RTRAF: variants seen among roughly 807,000 people sequenced by gnomAD.
The protein encoded by RTRAF is tRNA-splicing ligase complex subunit RTRAF.
In RTRAF, 14 loss-of-function variants were observed where a neutral mutation model predicts 34.4. That is an observed-to-expected ratio of 0.41 (90% CI 0.27 to 0.64). The LOEUF (loss-of-function observed/expected upper bound fraction) is 0.64, where lower values mean the gene tolerates loss of function less well. Among genes scored for constraint, RTRAF ranks in the 30% least tolerant of loss-of-function variants. The probability of loss-of-function intolerance (pLI) is 0.34; values close to 1 mark genes in which losing one functional copy is unlikely to be tolerated. For synonymous variants in RTRAF, 96 were observed against 95.3 expected, an observed-to-expected ratio of 1.01 and a Z score of -0.04; for missense variants, 291 against 288.4, an observed-to-expected ratio of 1.01 and a Z score of -0.06.
intron 6 of RTRAF, 97 bp from the exon 7 acceptor site, chr14:52,004,097 A>AAGACACCAGAAT (rs1890660704): frequency 4.8e-6 from 5 of 1,045,640 alleles, no homozygotes; most frequent in Non-Finnish European, 7.2e-6. Flanking sequence ...TAAAAGAGTT[A>AAGACACCAGAAT]AGACACCAGA....
At chr14:51,989,734 C>G in intron 1 of RTRAF, 34 bp downstream of exon 1, 2 of 1,573,404 alleles carry the variant, frequency 1.3e-6, no homozygotes, top group Non-Finnish European at 1.7e-6. Context: ...CCGCGTGTCC[C>G]TGACCTGGGC....
Position 52,006,375 on chromosome 14 carries a change from A to AAAAC in RTRAF, c.*1861_*1864dup. On this transcript the variant is annotated 3_prime_UTR_variant, in exon 8 of 8. Transcript: ENST00000261700. ...TGATTTCAAAAACATGAAAGGATGA[A>AAAAC]AAACATCCTTGAAGGATCTTATCTG... The AAAAC allele has an allele frequency of 1.4e-6, 1 of 740,334 alleles. No individual in the cohort carries two copies. The highest frequency in any genetic ancestry group is 2.6e-5 in the East Asian group (1 of 38,396). 45.9% of individuals were successfully genotyped at this position (740,334 alleles called of 1,614,324 possible).
Position 52,008,489 on chromosome 14 carries a change from ATCT to A in RTRAF, c.*3975_*3977del, listed in dbSNP as rs1890881050. 6.6e-6 allele frequency: 1 copy of A among 152,624 alleles called. No homozygotes were observed. Among genetic ancestry groups the A allele is most frequent in the African/African-American group, 2.4e-5 (1 of 41,458 alleles). The allele number at this position is 152,624 out of a possible 1,614,324, so 9.5% of individuals were successfully genotyped here. On this transcript the variant is annotated 3_prime_UTR_variant, in exon 8 of 8. Coordinates refer to ENST00000261700, the MANE Select transcript of RTRAF (RefSeq NM_016039.3). Reference sequence around the variant, plus strand: ...CACAGAAACTGTGAGACTAAATGTTATCTTACACTGCTGAGGGTTTGGGCAATT... The same window carrying A: ...CACAGAAACTGTGAGACTAAATGTTATACACTGCTGAGGGTTTGGGCAATT...
chr14:52,007,556 T>A lies in RTRAF; in HGVS notation c.*3040T>A. 2.2e-6 allele frequency: 1 copy of A among 449,294 alleles called. No homozygotes were observed. The highest frequency in any genetic ancestry group is 3.9e-6 in the Non-Finnish European group (1 of 253,752). 27.8% of individuals were successfully genotyped at this position (449,294 alleles called of 1,614,324 possible). On this transcript the variant is annotated 3_prime_UTR_variant, in exon 8 of 8. Transcript: ENST00000261700. ...AACAATGGCTAATTCTTTTAACTGTTAAAAATATGCCAGGCACTCATGGTC... is the reference window on the plus strand; with the variant it reads ...AACAATGGCTAATTCTTTTAACTGTAAAAAATATGCCAGGCACTCATGGTC...
rs1294978404 is a variant in RTRAF, at chr14:52,004,672, T to TTTAATAAAGTTTA, written c.*157_*169dup. The TTTAATAAAGTTTA allele has an allele frequency of 4.7e-6, 3 of 635,080 alleles. No individual in the cohort carries two copies. Among genetic ancestry groups the TTTAATAAAGTTTA allele is most frequent in the African/African-American group, 3.7e-5 (2 of 53,404 alleles). 39.3% of individuals were successfully genotyped at this position (635,080 alleles called of 1,614,324 possible). On this transcript the variant is annotated 3_prime_UTR_variant, in exon 8 of 8. Transcript: ENST00000261700. Reference sequence around the variant, plus strand: ...ACCACCATTGCTTATTGCTTTTTTCTTTAATAAAGTTTAGGAAAGTAGAAT... The same window carrying TTTAATAAAGTTTA: ...ACCACCATTGCTTATTGCTTTTTTCTTTAATAAAGTTTATTAATAAAGTTTAGGAAAGTAGAAT...
chr14:52,002,196 C>T (rs916337712), intron 6 of RTRAF, among the ~76,000 whole-genome samples: 1 of 152,198 alleles, frequency 6.6e-6, no homozygotes, highest in Non-Finnish European at 1.5e-5. Context: ...TATTTTGACT[C>T]ATGCTGGAGA....
In RTRAF at chr14:52,006,755, T is replaced by C; in HGVS notation, c.*2239T>C. 2 of 1,339,756 alleles carry C rather than the reference T, an allele frequency of 1.5e-6. No homozygotes were observed. Among genetic ancestry groups the C allele is most frequent in the South Asian group, 1.3e-5 (1 of 76,250 alleles). 83.0% of individuals were successfully genotyped at this position (1,339,756 alleles called of 1,614,324 possible). ...GTGACACAGTGATAGAATGGGGAAA[T>C]AGGATATTTTACTTCCATTACAGTC... On this transcript the variant is annotated 3_prime_UTR_variant, in exon 8 of 8. Transcript: ENST00000261700.
At position 52,006,378 on chromosome 14, in the gene RTRAF, A is replaced by AC; in HGVS notation, c.*1863dup. On this transcript the variant is annotated 3_prime_UTR_variant, in exon 8 of 8. Coordinates refer to ENST00000261700, the MANE Select transcript of RTRAF (RefSeq NM_016039.3). ...TTTCAAAAACATGAAAGGATGAAAA[A>AC]CATCCTTGAAGGATCTTATCTGCCA... 1 of 741,032 alleles carries AC rather than the reference A, an allele frequency of 1.3e-6. No homozygotes were observed. Among genetic ancestry groups the AC allele is most frequent in the Non-Finnish European group, 2.2e-6 (1 of 451,374 alleles). The allele number at this position is 741,032 out of a possible 1,614,324, so 45.9% of individuals were successfully genotyped here. A position where few individuals can be genotyped will look rare whatever the true frequency, so the allele number is the denominator to read the frequency against.
At chr14:52,001,960 C>G in intron 6 of RTRAF, 94 bp downstream of exon 6, 1 of 1,063,012 alleles carries the variant, frequency 9.4e-7, no homozygotes, top group Non-Finnish European at 1.4e-6. Flanking sequence ...TTAAGATATC[C>G]ATTCTACGTT....
In RTRAF at chr14:52,004,461, A is replaced by T; in HGVS notation, c.680A>T (p.Gln227Leu). 6.2e-7 allele frequency: 1 copy of T among 1,614,028 alleles called. No homozygotes were observed. Among genetic ancestry groups the T allele is most frequent in the African/African-American group, 1.3e-5 (1 of 75,054 alleles). The change falls in exon 8 of 8, where the codon CAG becomes CTG. Residue 227 changes from glutamine (Q) to leucine (L), a missense_variant. Gln to Leu is a moderately radical substitution (Grantham distance 113). Coordinates refer to ENST00000261700, the MANE Select transcript of RTRAF (RefSeq NM_016039.3). ...TKINEAIVAV[Q>L]AIIADPKTDH... The stretch of plus-strand genomic sequence containing the variant: ...ATCAACGAAGCCATAGTAGCTGTTC[A>T]GGCAATTATTGCTGATCCAAAGACA...
chr14:51,994,348 G>T (rs934994908), intron 3 of RTRAF, among the ~76,000 whole-genome samples: 7 of 152,126 alleles, frequency 4.6e-5, no homozygotes, highest in Admixed American at 4.6e-4. Context: ...ATTTTGAAAG[G>T]CCTGCCAACA....
Position 52,010,318 on chromosome 14 carries a change from T to C in RTRAF, c.*5802T>C, listed in dbSNP as rs912058610. On this transcript the variant is annotated 3_prime_UTR_variant, in exon 8 of 8. Transcript: ENST00000261700. ...CTCAAGATATAAAAATTCTCCCTGATTGTAACAAGTACTGAGACAGTGAAC... is the reference window on the plus strand; with the variant it reads ...CTCAAGATATAAAAATTCTCCCTGACTGTAACAAGTACTGAGACAGTGAAC... 6.6e-6 allele frequency: 1 copy of C among 152,262 alleles called. No homozygotes were observed. The highest frequency in any genetic ancestry group is 1.5e-5 in the Non-Finnish European group (1 of 68,042). The allele number at this position is 152,262 out of a possible 1,614,324, so 9.4% of individuals were successfully genotyped here. A position where few individuals can be genotyped will look rare whatever the true frequency, so the allele number is the denominator to read the frequency against.
At chr14:51,991,987 G>A (rs968618426) in intron 2 of RTRAF, among the ~76,000 whole-genome samples, 7 of 152,110 alleles carry the variant, frequency 4.6e-5, no homozygotes, top group African/African-American at 7.2e-5. Context: ...CAGCCTGGGC[G>A]ACAGAGTGAC....
chr14:52,005,785 G>C lies in RTRAF; in HGVS notation c.*1269G>C, dbSNP rs1292327175. 1.2e-6 allele frequency: 2 copies of C among 1,613,756 alleles called. No homozygotes were observed. Among genetic ancestry groups the C allele is most frequent in the Non-Finnish European group, 1.7e-6 (2 of 1,179,804 alleles). On this transcript the variant is annotated 3_prime_UTR_variant, in exon 8 of 8. Transcript: ENST00000261700. ...GCAGTTATCCCGTAGAGGTGAGATC[G>C]TTGTTCTGGGAGATACTCATCAGTA...
At chr14:51,996,501 T>A (rs1890523600) in intron 3 of RTRAF, among the ~76,000 whole-genome samples, 1 of 152,154 alleles carries the variant, frequency 6.6e-6, no homozygotes, top group African/African-American at 2.4e-5. Context: ...ATTTTTTAAA[T>A]GTATAATTTC....
Position 51,989,770 on chromosome 14 carries a change from C to G in RTRAF, c.61+70C>G, listed in dbSNP as rs1033430053. ...GGAGGTCCCAGCCTCAGTGCCCGCA[C>G]CCCACCTCCCCGTCGGGACCCTCGG... On this transcript the variant is annotated intron_variant, in intron 1 of 7. Coordinates refer to ENST00000261700, the MANE Select transcript of RTRAF (RefSeq NM_016039.3). The G allele has an allele frequency of 5.5e-6, 8 of 1,449,524 alleles. No homozygotes were observed. In the African/African-American group the frequency reaches 1.2e-4, roughly 21 times the overall value. 89.8% of individuals were successfully genotyped at this position (1,449,524 alleles called of 1,614,324 possible).
At chr14:51,993,531 TA>T (rs1379722671) in intron 2 of RTRAF, among the ~76,000 whole-genome samples, 191 bp from the exon 3 acceptor site, 1 of 152,226 alleles carries the variant, frequency 6.6e-6, no homozygotes, top group Non-Finnish European at 1.5e-5. Flanking sequence ...TGTCGTATTC[TA>T]TTTTTTTTCT....
intron 2 of RTRAF, among the ~76,000 whole-genome samples, chr14:51,992,989 C>T (rs1299127256): frequency 2.0e-5 from 3 of 152,030 alleles, no homozygotes; most frequent in Non-Finnish European, 4.4e-5. Context: ...AAGATTGTGC[C>T]ATTGCACTCC....
At position 52,007,710 on chromosome 14, in the gene RTRAF, G is replaced by A; in HGVS notation, c.*3194G>A. ...TTAAAAGTTTACAGACCAAAGAAAG[G>A]AGATCTAAGTGATGGGATTTCATTT... On this transcript the variant is annotated 3_prime_UTR_variant, in exon 8 of 8. Coordinates refer to ENST00000261700, the MANE Select transcript of RTRAF (RefSeq NM_016039.3). 1.9e-6 allele frequency: 2 copies of A among 1,052,108 alleles called. No individual in the cohort carries two copies. The highest frequency in any genetic ancestry group is 1.4e-5 in the South Asian group (1 of 73,032). 65.2% of individuals were successfully genotyped at this position (1,052,108 alleles called of 1,614,324 possible).
Sources: gnomAD v4.1 joint callset for allele counts (sites outside exome capture counted in the v4.1 genomes callset) on GRCh38, gnomAD v4.1.1 for gene constraint, MANE v1.5 for transcripts, NCBI Gene and HGNC (gene_info 2026-07-23, HGNC 2026-07-21) for gene names.